The following SPTB variants were observed in gnomAD, a reference collection of about 807,000 sequenced individuals.
SPTB encodes spectrin beta chain, erythrocytic.
Under a neutral mutation model 256.2 loss-of-function variants are expected in SPTB, and 45 were observed. The observed-to-expected ratio is 0.18, with a 90% CI of 0.14 to 0.23. SPTB has a LOEUF of 0.23. SPTB is among the 10% of genes least tolerant of loss of function. SPTB has a pLI of 1.00. For synonymous variants in SPTB, 1,231 were observed against 1,243.1 expected (o/e 0.99, Z 0.21); for missense variants, 2,715 against 3,040.4 (o/e 0.89, Z 2.52).
Position 64,786,051 on chromosome 14 carries a change from G to A in SPTB, c.3562-100C>T. 8.3e-7 allele frequency: 1 copy of A among 1,202,272 alleles called. No homozygotes were observed. The highest frequency in any genetic ancestry group is 1.2e-6 in the Non-Finnish European group (1 of 820,120). 74.5% of individuals were successfully genotyped at this position (1,202,272 alleles called of 1,614,324 possible). On this transcript the variant is annotated intron_variant, in intron 16 of 35. Transcript: ENST00000644917. The surrounding 1 kb of genome is among the most constrained non-coding windows in gnomAD (Gnocchi z 5.6). ...ACCACGTGCAGCCACACAGGCCACG[G>A]TATGAATGAGCCCCCTAGAGTAGTA...
chr14:64,867,553 G>A (rs1303398210), intron 1 of SPTB, among the ~76,000 whole-genome samples: 1 of 152,162 alleles, frequency 6.6e-6, no homozygotes, highest in Non-Finnish European at 1.5e-5. Flanking sequence ...AGGCATATAT[G>A]TGTAAGAGTT....
In SPTB at chr14:64,806,061, T is replaced by C. The variant is rs1397184298; in HGVS notation, c.149-971A>G. On this transcript the variant is annotated intron_variant, in intron 2 of 35. Transcript: ENST00000644917. The surrounding 1 kb of genome is among the most constrained non-coding windows in gnomAD (Gnocchi z 4.1). ...AAATAATGCTGGTGGTCTGTCCAAGTTAGGCACCAGCATTACCTGGGGAAG... is the reference window on the plus strand; with the variant it reads ...AAATAATGCTGGTGGTCTGTCCAAGCTAGGCACCAGCATTACCTGGGGAAG... Among the ~76,000 whole-genome samples, 2 of 151,322 alleles carry C rather than the reference T, an allele frequency of 1.3e-5. No homozygotes were observed. The highest frequency in any genetic ancestry group is 3.9e-4 in the East Asian group (2 of 5,150).
intron 1 of SPTB, among the ~76,000 whole-genome samples, chr14:64,858,683 A>T (rs2083911813): frequency 6.6e-6 from 1 of 152,176 alleles, no homozygotes. Flanking sequence ...TACGCATCCC[A>T]GTAAAAGGCT....
chr14:64,769,601 C>A lies in SPTB; in HGVS notation c.5926G>T (p.Ala1976Ser). Residue 1976 changes from alanine to serine, a missense_variant, in exon 28 of 36, where the codon GCC (alanine) becomes TCC (serine). Physicochemically the swap from Ala to Ser is moderately conservative, Grantham distance 99 (BLOSUM62 1). Coordinates refer to ENST00000644917, the MANE Select transcript of SPTB (RefSeq NM_001355436.2). ...GESLLQRQHQ[A>S]SEEIREKLQQ... Reference sequence around the variant, plus strand: ...TGCAGTCCCCTCACCTCCTCTGAGGCCTGGTGCTGCCGCTGCAGCAGGGAC... The same window carrying A: ...TGCAGTCCCCTCACCTCCTCTGAGGACTGGTGCTGCCGCTGCAGCAGGGAC... 6.2e-7 allele frequency: 1 copy of A among 1,613,992 alleles called. No individual in the cohort carries two copies. The highest frequency in any genetic ancestry group is 8.5e-7 in the Non-Finnish European group (1 of 1,180,040).
rs187385876 is a variant in SPTB, at chr14:64,753,629, C to T, written c.6510G>A (p.Pro2170=). The part of the protein sequence containing the change: ...LSEGDEPATL[P]APRDHGQSVQ... ...CACTCTGCCCATGGTCCCGCGGGGC[C>T]GGCAGCGTTGCGGGCTCATCACCCT... Residue 2170 remains proline, a synonymous_variant, in exon 33 of 36, where the codon CCG becomes CCA. Coordinates refer to ENST00000644917, the MANE Select transcript of SPTB (RefSeq NM_001355436.2). 2.0e-4 allele frequency: 321 copies of T among 1,613,650 alleles called. 3 individuals carry two copies. In the East Asian group the frequency reaches 5.5e-3, roughly 28 times the overall value.
Position 64,775,035 on chromosome 14 carries a change from G to T in SPTB, c.4842+90C>A. 1.9e-6 allele frequency: 3 copies of T among 1,585,396 alleles called. No individual in the cohort carries two copies. The highest frequency in any genetic ancestry group is 2.6e-6 in the Non-Finnish European group (3 of 1,157,612). ...CTCCCCTGGCCTCACTCCTCACACA[G>T]TTGGACTCACAAGGCTCCCTACCGA... On this transcript the variant is annotated intron_variant, in intron 23 of 35. Transcript: ENST00000644917. This position sits in a 1 kb window ranked among gnomAD's most constrained non-coding sequence, Gnocchi z 5.0.
chr14:64,843,440 A>G (rs530527587), intron 1 of SPTB, among the ~76,000 whole-genome samples: 8 of 151,702 alleles, frequency 5.3e-5, no homozygotes, highest in South Asian at 4.2e-4. Flanking sequence ...TTCACTGGGG[A>G]AAAAAAAACC....
chr14:64,797,712 G>A lies in SPTB; in HGVS notation c.1182+17C>T, dbSNP rs754802382. ...AATCAATCTACTGTCAATGCATAAC[G>A]GAAAATGCTGTGGTACCCTGTTGAT... On this transcript the variant is annotated intron_variant, in intron 10 of 35. Coordinates refer to ENST00000644917, the MANE Select transcript of SPTB (RefSeq NM_001355436.2). 1.3e-5 allele frequency: 20 copies of A among 1,568,976 alleles called. No individual in the cohort carries two copies. The highest frequency in any genetic ancestry group is 1.7e-5 in the Admixed American group (1 of 59,922).
chr14:64,862,386 G>A (rs1881905893), intron 1 of SPTB, among the ~76,000 whole-genome samples: 1 of 152,016 alleles, frequency 6.6e-6, no homozygotes, highest in African/African-American at 2.4e-5. Flanking sequence ...ACAAAATTAA[G>A]ATCATATAAT....
intron 32 of SPTB, 148 bp downstream of exon 32, chr14:64,766,578 C>T: frequency 6.3e-7 from 1 of 1,595,670 alleles, no homozygotes; most frequent in Non-Finnish European, 8.5e-7. Flanking sequence ...GCCTGCTCTG[C>T]TGGGAGGTGG....
intron 2 of SPTB, among the ~76,000 whole-genome samples, chr14:64,810,470 A>G (rs933608395): frequency 1.3e-5 from 2 of 152,212 alleles, no homozygotes; most frequent in African/African-American, 4.8e-5. Flanking sequence ...ACTTTGGGTC[A>G]GGAGTTCGAG....
chr14:64,833,560 A>G (rs1295828368), intron 1 of SPTB, among the ~76,000 whole-genome samples: 1 of 151,906 alleles, frequency 6.6e-6, no homozygotes, highest in Non-Finnish European at 1.5e-5. Flanking sequence ...CAAAAAAAAA[A>G]AAAAGAAAAG....
intron 9 of SPTB, among the ~76,000 whole-genome samples, chr14:64,798,610 G>A (rs1167785668): frequency 6.6e-6 from 1 of 152,212 alleles, no homozygotes; most frequent in African/African-American, 2.4e-5. Flanking sequence ...AGTGCTCACA[G>A]GCACTTAAGA....
At chr14:64,788,464 G>A (rs2082612818) in intron 15 of SPTB, among the ~76,000 whole-genome samples, 2 of 152,192 alleles carry the variant, frequency 1.3e-5, no homozygotes, top group Admixed American at 6.5e-5. Context: ...GAGAGAGCCT[G>A]CAGATTTCTC....
chr14:64,753,397 G>T (rs2081977841), intron 33 of SPTB, 140 bp downstream of exon 33: 3 of 1,274,078 alleles, frequency 2.4e-6, no homozygotes, highest in East Asian at 2.5e-5. Flanking sequence ...TGGCCCAGAG[G>T]GGTGTCTAGG....
chr14:64,835,452 G>A (rs2083510322), intron 1 of SPTB, among the ~76,000 whole-genome samples: 1 of 152,134 alleles, frequency 6.6e-6, no homozygotes. Context: ...CACTATGTTG[G>A]TCAGGCTGGT....
Position 64,749,966 on chromosome 14 carries a change from C to T in SPTB, c.6776+15G>A. 6.2e-7 allele frequency: 1 copy of T among 1,614,204 alleles called. No individual in the cohort carries two copies. Among genetic ancestry groups the T allele is most frequent in the Non-Finnish European group, 8.5e-7 (1 of 1,180,040 alleles). ...AGCCATCAACCCGAGCTTTCAAAGG[C>T]CAGGAAGGCCTCACCTCAGCTTAAA... On this transcript the variant is annotated intron_variant, in intron 34 of 35. Transcript: ENST00000644917. This position sits in a 1 kb window ranked among gnomAD's most constrained non-coding sequence, Gnocchi z 4.7.
At position 64,758,881 on chromosome 14, in the gene SPTB, T is replaced by C. The variant is rs2082054507; in HGVS notation, c.6346-5088A>G. ...TGCAATTCATAAGAGATAAGGAATT[T>C]CTCTGGGGCCTTTTATTTCTAGCCA... On this transcript the variant is annotated intron_variant, in intron 32 of 35. Transcript: ENST00000644917. This position sits in a 1 kb window ranked among gnomAD's most constrained non-coding sequence, Gnocchi z 4.6. 6.6e-6 allele frequency among the ~76,000 whole-genome samples: 1 copy of C among 151,790 alleles called. No individual in the cohort carries two copies. The highest frequency in any genetic ancestry group is 1.5e-5 in the Non-Finnish European group (1 of 67,990).
At position 64,775,551 on chromosome 14, in the gene SPTB, GA is replaced by G; in HGVS notation, c.4564-149del. ...GGTGATGGCGATAAGAACTACCAAT[GA>G]CCTCTTGCGGGCTGCTAAGCACCTC... is the stretch of plus-strand genomic sequence containing the variant. On this transcript the variant is annotated intron_variant, in intron 22 of 35. Transcript: ENST00000644917. The surrounding 1 kb of genome is among the most constrained non-coding windows in gnomAD (Gnocchi z 5.0). The G allele has an allele frequency of 9.1e-7, 1 of 1,101,820 alleles. No individual in the cohort carries two copies. Among genetic ancestry groups the G allele is most frequent in the South Asian group, 1.6e-5 (1 of 61,034 alleles). The allele number at this position is 1,101,820 out of a possible 1,614,324, so 68.3% of individuals were successfully genotyped here.
Sources: gnomAD v4.1 joint callset for allele counts (sites outside exome capture counted in the v4.1 genomes callset) on GRCh38, gnomAD v4.1.1 for gene constraint, Gnocchi (gnomAD v3.1) non-coding constraint, MANE v1.5 for transcripts, NCBI Gene and HGNC (gene_info 2026-07-23, HGNC 2026-07-21) for gene names.